Variants in FRMD3 observed in about 807,000 individuals in gnomAD.
The protein encoded by FRMD3 is FERM domain containing 3.
In FRMD3, 33 loss-of-function variants were observed where a neutral mutation model predicts 70.2. That is an observed-to-expected ratio of 0.47 (90% CI 0.36 to 0.63). FRMD3 has a LOEUF of 0.63. Among genes scored for constraint, FRMD3 ranks in the 20% least tolerant of loss-of-function variants. The pLI, the probability that FRMD3 is intolerant of heterozygous loss-of-function variation, is 0.00. For synonymous variants in FRMD3, 279 were observed against 255.9 expected (o/e 1.09, Z -0.86); for missense variants, 632 against 711.4 (o/e 0.89, Z 1.27).
Position 83,309,554 on chromosome 9 carries a change from T to G in FRMD3, c.908A>C (p.Glu303Ala). The change falls in exon 10 of 14, where the codon GAA (glutamate) becomes GCA (alanine). Residue 303 changes from glutamate (E) to alanine (A), a missense_variant. Glu to Ala is a moderately radical substitution (Grantham distance 107). Coordinates refer to ENST00000304195, the MANE Select transcript of FRMD3 (RefSeq NM_174938.6). ...ACKHLWKCGVENQAFYKYAKS... is the reference protein window; with the variant it reads ...ACKHLWKCGVANQAFYKYAKS... ...CACTTACTTATAAAAGGCCTGGTTT[T>G]CCACTCCACACTTCCAAAGATGTTT... is the stretch of plus-strand genomic sequence containing the variant. The G allele has an allele frequency of 6.3e-7, 1 of 1,590,626 alleles. No homozygotes were observed. Among genetic ancestry groups the G allele is most frequent in the Non-Finnish European group, 8.6e-7 (1 of 1,168,134 alleles).
At chr9:83,450,496 C>G (rs1047026818) in intron 1 of FRMD3, among the ~76,000 whole-genome samples, 2 of 152,120 alleles carry the variant, frequency 1.3e-5, no homozygotes, top group African/African-American at 2.4e-5. Context: ...CTCCCACCCT[C>G]AGTTTTTACA....
intron 3 of FRMD3, among the ~76,000 whole-genome samples, chr9:83,368,851 C>T (rs951698716): frequency 1.3e-5 from 2 of 151,954 alleles, no homozygotes; most frequent in Admixed American, 1.3e-4. Flanking sequence ...TCTACTTATT[C>T]TATTTCTAGG....
At chr9:83,394,391 A>T (rs1825756172) in intron 1 of FRMD3, among the ~76,000 whole-genome samples, 1 of 152,160 alleles carries the variant, frequency 6.6e-6, no homozygotes, top group East Asian at 1.9e-4. Flanking sequence ...GCTGGGTAAG[A>T]GTGGGCTAAC....
At chr9:83,536,939 A>C (rs2131565448) in intron 1 of FRMD3, among the ~76,000 whole-genome samples, 1 of 150,078 alleles carries the variant, frequency 6.7e-6, no homozygotes. Flanking sequence ...CTAAAAAAAA[A>C]AAAAAAAAAA....
At chr9:83,507,903 C>A (rs77590520) in intron 1 of FRMD3, among the ~76,000 whole-genome samples, 8,008 of 150,996 alleles carry the variant, frequency 0.053, 305 homozygotes, top group East Asian at 0.21. Context: ...CATTTATTAT[C>A]ATTATCAAGT....
intron 1 of FRMD3, among the ~76,000 whole-genome samples, chr9:83,516,132 A>G (rs1363307188): frequency 6.6e-6 from 1 of 152,204 alleles, no homozygotes; most frequent in East Asian, 1.9e-4. Flanking sequence ...TAAACCTTAA[A>G]TGTAAACGAG....
At chr9:83,571,163 T>C in the FRMD3 span, among the ~76,000 whole-genome samples, 4 of 152,100 alleles carry the variant, frequency 2.6e-5, no homozygotes, top group Non-Finnish European at 5.9e-5. Flanking sequence ...CAAAAAAAGG[T>C]TCTTAAAAAG....
chr9:83,479,891 T>C (rs868621791), intron 1 of FRMD3, among the ~76,000 whole-genome samples: 27 of 151,838 alleles, frequency 1.8e-4, no homozygotes, highest in African/African-American at 6.3e-4. Flanking sequence ...AAGGCCACAG[T>C]GAGATATCAC....
chr9:83,549,436 G>C, the FRMD3 span, among the ~76,000 whole-genome samples: 110 of 152,204 alleles, frequency 7.2e-4, no homozygotes, highest in Admixed American at 5.5e-3. Context: ...TGTCTTTATG[G>C]TAGAATGCTT....
At chr9:83,369,506 G>C (rs1223040201) in intron 3 of FRMD3, among the ~76,000 whole-genome samples, 1 of 151,960 alleles carries the variant, frequency 6.6e-6, no homozygotes, top group Non-Finnish European at 1.5e-5. Flanking sequence ...GAACCAGGGA[G>C]GCAGAGGTTG....
chr9:83,413,692 C>T (rs1342278884), intron 1 of FRMD3, among the ~76,000 whole-genome samples: 1 of 152,136 alleles, frequency 6.6e-6, no homozygotes, highest in Non-Finnish European at 1.5e-5. Context: ...TGTTCTTCCA[C>T]TGTATTAATT....
chr9:83,510,668 A>G (rs1829319375), intron 1 of FRMD3, among the ~76,000 whole-genome samples: 1 of 152,244 alleles, frequency 6.6e-6, no homozygotes, highest in African/African-American at 2.4e-5. Flanking sequence ...CCATATAACG[A>G]AATAGTATTT....
intron 4 of FRMD3, among the ~76,000 whole-genome samples, chr9:83,348,419 T>C (rs1418267579): frequency 6.6e-6 from 1 of 152,158 alleles, no homozygotes; most frequent in Non-Finnish European, 1.5e-5. Context: ...GGTAAATCCA[T>C]AGAAACCAAA....
At chr9:83,451,660 T>A (rs1827660828) in intron 1 of FRMD3, among the ~76,000 whole-genome samples, 1 of 152,040 alleles carries the variant, frequency 6.6e-6, no homozygotes, top group Non-Finnish European at 1.5e-5. Flanking sequence ...GAAAGTGAAG[T>A]GGGAGCTGTC....
chr9:83,384,607 G>A (rs1008692898), intron 2 of FRMD3, among the ~76,000 whole-genome samples: 12 of 152,128 alleles, frequency 7.9e-5, no homozygotes, highest in African/African-American at 2.7e-4. Context: ...GGGTTGTGAC[G>A]GTGGGGGATC....
intron 1 of FRMD3, among the ~76,000 whole-genome samples, chr9:83,532,564 C>T (rs911239159): frequency 2.6e-5 from 4 of 152,114 alleles, no homozygotes; most frequent in Admixed American, 6.6e-5. Flanking sequence ...CCTAATTTGA[C>T]GTATTCTGAA....
At chr9:83,312,066 T>C in intron 7 of FRMD3, 91 bp from the exon 8 acceptor site, 2 of 978,760 alleles carry the variant, frequency 2.0e-6, no homozygotes, top group Admixed American at 5.5e-5. Context: ...ATCCTCACCC[T>C]AGGTTAATTT....
intron 1 of FRMD3, among the ~76,000 whole-genome samples, chr9:83,403,749 A>G (rs1298739609): frequency 1.3e-5 from 2 of 152,206 alleles, no homozygotes; most frequent in African/African-American, 4.8e-5. Flanking sequence ...AGTGCTGCAC[A>G]GAGATTATGT....
intron 1 of FRMD3, among the ~76,000 whole-genome samples, chr9:83,508,117 C>A (rs2131525851): frequency 6.6e-6 from 1 of 152,226 alleles, no homozygotes; most frequent in South Asian, 2.1e-4. Context: ...ATGAATCTCA[C>A]CAATATAATG....
Sources: allele counts gnomAD v4.1 joint callset (sites outside exome capture counted in the v4.1 genomes callset), GRCh38; gene constraint gnomAD v4.1.1; transcripts MANE v1.5; gene names NCBI Gene and HGNC (gene_info 2026-07-23, HGNC 2026-07-21).